Variants in SLC24A2 observed in about 807,000 individuals in gnomAD.
SLC24A2 encodes solute carrier family 24 member 2, also known as sodium/potassium/calcium exchanger 2.
A neutral mutation model predicts 62.0 loss-of-function variants in SLC24A2; 36 were observed. The observed-to-expected ratio is 0.58, with a 90% CI of 0.44 to 0.77. SLC24A2 has a LOEUF of 0.77. SLC24A2 is among the 30% of genes least tolerant of loss of function. The probability of loss-of-function intolerance (pLI) is 0.00; values close to 1 mark genes in which losing one functional copy is unlikely to be tolerated. For synonymous variants in SLC24A2, 358 were observed against 294.0 expected (o/e 1.22, Z -2.23); for missense variants, 846 against 817.9 (o/e 1.03, Z -0.42).
In SLC24A2 at chr9:19,632,045, A is replaced by G. The variant is rs1201131444; in HGVS notation, c.931-9746T>C. ...GGTGTTGACCATGATACACCTGGCC[A>G]TCCTGGAAAACAGAGTAGATGGTAA... On this transcript the variant is annotated intron_variant, in intron 2 of 10. Transcript: ENST00000341998. This position sits in a 1 kb window ranked among gnomAD's most constrained non-coding sequence, Gnocchi z 4.5. Among the ~76,000 whole-genome samples the G allele has an allele frequency of 6.6e-6, 1 of 152,206 alleles. No homozygotes were observed. The highest frequency in any genetic ancestry group is 1.5e-5 in the Non-Finnish European group (1 of 68,026).
At chr9:20,009,964 T>C in the SLC24A2 span, among the ~76,000 whole-genome samples, 1 of 152,172 alleles carries the variant, frequency 6.6e-6, no homozygotes. Context: ...TGCATGGCCA[T>C]GCTGAACCAC....
chr9:20,184,015 C>T, the SLC24A2 span, among the ~76,000 whole-genome samples: 1 of 152,092 alleles, frequency 6.6e-6, no homozygotes, highest in Non-Finnish European at 1.5e-5. Context: ...GCAAACCATA[C>T]ATCTGATAAG....
At position 19,718,578 on chromosome 9, in the gene SLC24A2, G is replaced by A. The variant is rs375205014; in HGVS notation, c.930+67359C>T. ...GGCCCGCCTTGGCCTCACAAAGTGTGGAGATTACAGGCATGAGCCACTGCG... is the reference window on the plus strand; with the variant it reads ...GGCCCGCCTTGGCCTCACAAAGTGTAGAGATTACAGGCATGAGCCACTGCG... On this transcript the variant is annotated intron_variant, in intron 2 of 10. Transcript: ENST00000341998. Among the ~76,000 whole-genome samples the A allele has an allele frequency of 1.9e-4, 29 of 151,498 alleles. No homozygotes were observed. In the South Asian group the frequency reaches 5.8e-3, roughly 31 times the overall value.
chr9:20,107,503 A>C, the SLC24A2 span, among the ~76,000 whole-genome samples: 2 of 152,306 alleles, frequency 1.3e-5, no homozygotes, highest in Non-Finnish European at 2.9e-5. Context: ...AGAGATATAG[A>C]TCAATGGAAC....
At chr9:20,270,443 C>T in the SLC24A2 span, among the ~76,000 whole-genome samples, 1 of 152,164 alleles carries the variant, frequency 6.6e-6, no homozygotes, top group African/African-American at 2.4e-5. Context: ...CCTTGTTACT[C>T]AGCCTCTCCA....
the SLC24A2 span, among the ~76,000 whole-genome samples, chr9:20,208,952 C>T: frequency 6.6e-6 from 1 of 152,202 alleles, no homozygotes; most frequent in Admixed American, 6.5e-5. Flanking sequence ...AACTAAGGTG[C>T]AGTGCCTCAG....
chr9:20,275,197 T>C, the SLC24A2 span, among the ~76,000 whole-genome samples: 1 of 151,826 alleles, frequency 6.6e-6, no homozygotes, highest in Non-Finnish European at 1.5e-5. Flanking sequence ...TAGAGCTCAG[T>C]TAGGGGTTAC....
At chr9:19,887,866 A>G in the SLC24A2 span, among the ~76,000 whole-genome samples, 1 of 152,226 alleles carries the variant, frequency 6.6e-6, no homozygotes, top group Non-Finnish European at 1.5e-5. Flanking sequence ...AACAACCTAG[A>G]TGGAACTGGA....
At chr9:20,147,395 T>C in the SLC24A2 span, among the ~76,000 whole-genome samples, 1 of 152,156 alleles carries the variant, frequency 6.6e-6, no homozygotes, top group African/African-American at 2.4e-5. Flanking sequence ...ATAATACCAT[T>C]TTGAGACAAA....
intron 2 of SLC24A2, among the ~76,000 whole-genome samples, chr9:19,653,714 C>T (rs1446592336): frequency 6.6e-6 from 1 of 152,108 alleles, no homozygotes; most frequent in African/African-American, 2.4e-5. Context: ...TATACTTGGG[C>T]CCTGGCACAA....
intron 2 of SLC24A2, among the ~76,000 whole-genome samples, chr9:19,660,350 T>C (rs1819060082): frequency 6.6e-6 from 1 of 152,184 alleles, no homozygotes; most frequent in Non-Finnish European, 1.5e-5. Context: ...ATATTTATTC[T>C]TGTACTTTAA....
chr9:19,543,449 T>C (rs796527734), intron 8 of SLC24A2, among the ~76,000 whole-genome samples: 66 of 152,036 alleles, frequency 4.3e-4, no homozygotes, highest in African/African-American at 1.5e-3. Flanking sequence ...TGCTCTGATC[T>C]TAGTTATTTC....
chr9:19,641,481 T>C (rs142838124), intron 2 of SLC24A2, among the ~76,000 whole-genome samples: 1 of 152,088 alleles, frequency 6.6e-6, no homozygotes, highest in Admixed American at 6.6e-5. Context: ...TTACAAAACA[T>C]CTTCACATTT....
In SLC24A2 at chr9:19,714,710, G is replaced by A. The variant is rs72687714; in HGVS notation, c.930+71227C>T. On this transcript the variant is annotated intron_variant, in intron 2 of 10. Coordinates refer to ENST00000341998, the MANE Select transcript of SLC24A2 (RefSeq NM_020344.4). ...TATATAGAGTAAAATGGTCATTACA[G>A]TGAAACAAATTAAGATATCTATCAT... Among the ~76,000 whole-genome samples the A allele has an allele frequency of 6.9e-3, 1,049 of 152,252 alleles. 9 individuals carry two copies. Among genetic ancestry groups the A allele is most frequent in the Non-Finnish European group, 0.011 (715 of 68,026 alleles).
At chr9:20,153,494 C>T in the SLC24A2 span, among the ~76,000 whole-genome samples, 1 of 151,920 alleles carries the variant, frequency 6.6e-6, no homozygotes, top group Admixed American at 6.6e-5. Flanking sequence ...TCTTTAATTT[C>T]TCTGACCTAG....
intron 9 of SLC24A2, among the ~76,000 whole-genome samples, chr9:19,526,732 T>A (rs966705523): frequency 6.6e-6 from 1 of 152,218 alleles, no homozygotes; most frequent in African/African-American, 2.4e-5. Flanking sequence ...TAAGCTTGTA[T>A]CTTGGATACA....
upstream of SLC24A2, among the ~76,000 whole-genome samples, chr9:19,790,729 G>A (rs1274063599): frequency 6.6e-6 from 1 of 152,070 alleles, no homozygotes; most frequent in African/African-American, 2.4e-5. Context: ...TATACAAATT[G>A]GACCTCTGGG....
At chr9:19,973,001 G>A in the SLC24A2 span, among the ~76,000 whole-genome samples, 1 of 152,114 alleles carries the variant, frequency 6.6e-6, no homozygotes, top group African/African-American at 2.4e-5. Context: ...CTTTCAACTG[G>A]TGATCAGCCA....
At chr9:19,985,120 A>G in the SLC24A2 span, among the ~76,000 whole-genome samples, 2 of 152,248 alleles carry the variant, frequency 1.3e-5, no homozygotes, top group Non-Finnish European at 2.9e-5. Flanking sequence ...AATCTTGTAC[A>G]TAAACAACTA....
Sources: allele counts gnomAD v4.1 joint callset (sites outside exome capture counted in the v4.1 genomes callset), GRCh38; gene constraint gnomAD v4.1.1; non-coding constraint Gnocchi (gnomAD v3.1); transcripts MANE v1.5; gene names NCBI Gene and HGNC (gene_info 2026-07-23, HGNC 2026-07-21).